The following GRID1 variants were observed in gnomAD, a reference collection of about 807,000 sequenced individuals.
The protein encoded by GRID1 is glutamate ionotropic receptor delta type subunit 1.
GRID1 carries 28 observed loss-of-function variants against 98.0 expected under a neutral mutation model. The observed-to-expected ratio is 0.29, with a 90% CI of 0.21 to 0.39. GRID1 has a LOEUF of 0.39. Ranked by LOEUF, GRID1 falls within the 10% of genes least tolerant of loss-of-function variation. The pLI, the probability that GRID1 is intolerant of heterozygous loss-of-function variation, is 1.00. For synonymous variants in GRID1, 553 were observed against 538.5 expected (o/e 1.03, Z -0.37); for missense variants, 1,111 against 1,340.5 (o/e 0.83, Z 2.67).
intron 4 of GRID1, among the ~76,000 whole-genome samples, chr10:86,097,194 A>G (rs1322685494): frequency 6.6e-6 from 1 of 152,210 alleles, no homozygotes; most frequent in African/African-American, 2.4e-5. Context: ...TGGCTCAAAG[A>G]CAGCCTGTCA....
chr10:86,006,134 C>T (rs1264391682), intron 4 of GRID1, among the ~76,000 whole-genome samples: 11 of 152,148 alleles, frequency 7.2e-5, no homozygotes, highest in African/African-American at 2.7e-4. Context: ...GAATAGAATA[C>T]AAAGTCCTAA....
chr10:86,180,485 A>G (rs1845639657), intron 3 of GRID1, among the ~76,000 whole-genome samples: 1 of 152,132 alleles, frequency 6.6e-6, no homozygotes, highest in Non-Finnish European at 1.5e-5. Flanking sequence ...TGCTGAGCAG[A>G]GGACAGGTCC....
intron 8 of GRID1, among the ~76,000 whole-genome samples, chr10:85,751,555 C>T (rs962989536): frequency 6.6e-6 from 1 of 152,132 alleles, no homozygotes; most frequent in Non-Finnish European, 1.5e-5. Context: ...GAGGAAGCCT[C>T]AGGACCAAAA....
chr10:86,293,718 A>C (rs898175870), intron 2 of GRID1, among the ~76,000 whole-genome samples: 1 of 151,744 alleles, frequency 6.6e-6, no homozygotes, highest in Non-Finnish European at 1.5e-5. Flanking sequence ...AACGATAGGG[A>C]GGGGTGGGGG....
chr10:86,283,651 T>G (rs779273356), intron 2 of GRID1, among the ~76,000 whole-genome samples: 2 of 151,166 alleles, frequency 1.3e-5, no homozygotes, highest in Non-Finnish European at 2.9e-5. Flanking sequence ...CACACACACC[T>G]GCACATACAA....
chr10:86,247,449 T>C (rs1846750619), intron 2 of GRID1, among the ~76,000 whole-genome samples: 1 of 151,758 alleles, frequency 6.6e-6, no homozygotes, highest in African/African-American at 2.4e-5. Flanking sequence ...GCTGGGTGGG[T>C]AGAAAGAGTA....
At position 86,206,293 on chromosome 10, in the gene GRID1, A is replaced by C; in HGVS notation, c.520+71T>G. On this transcript the variant is annotated intron_variant, in intron 3 of 15. Coordinates refer to ENST00000327946, the MANE Select transcript of GRID1 (RefSeq NM_017551.3). The surrounding 1 kb of genome is among the most constrained non-coding windows in gnomAD (Gnocchi z 4.1). ...CCCTGACCGGTCCAGGGCCCCACCC[A>C]CTCTCAGGTCTCCCAGCATCTGGCC... The C allele has an allele frequency of 6.8e-7, 1 of 1,469,800 alleles. No homozygotes were observed. The highest frequency in any genetic ancestry group is 9.2e-7 in the Non-Finnish European group (1 of 1,081,264). 91.0% of individuals were successfully genotyped at this position (1,469,800 alleles called of 1,614,324 possible).
chr10:86,300,641 G>C (rs979976102), intron 2 of GRID1, among the ~76,000 whole-genome samples: 2 of 151,788 alleles, frequency 1.3e-5, no homozygotes, highest in Non-Finnish European at 2.9e-5. Flanking sequence ...ATCCTGGCCT[G>C]GGAATGGCAA....
At position 86,300,785 on chromosome 10, in the gene GRID1, C is replaced by T. The variant is rs375059616; in HGVS notation, c.235+63156G>A. Among the ~76,000 whole-genome samples the T allele has an allele frequency of 7.9e-5, 12 of 152,110 alleles. No individual in the cohort carries two copies. The South Asian group carries it at 2.3e-3, about 29-fold the overall frequency. On this transcript the variant is annotated intron_variant, in intron 2 of 15. Coordinates refer to ENST00000327946, the MANE Select transcript of GRID1 (RefSeq NM_017551.3). ...CACAGCATTTCCCCGGGCTCCAGTC[C>T]GCTCCACCCTGATGCAGCCAGCCAC...
intron 13 of GRID1, among the ~76,000 whole-genome samples, chr10:85,634,167 T>A (rs572278942): frequency 2.7e-5 from 4 of 145,760 alleles, no homozygotes; most frequent in Admixed American, 1.4e-4. Context: ...CGAAACTCCA[T>A]CTGAAAAAAA....
At position 86,366,255 on chromosome 10, in the gene GRID1, C is replaced by T; in HGVS notation, c.79+59G>A. 1 of 1,235,134 alleles carries T rather than the reference C, an allele frequency of 8.1e-7. No homozygotes were observed. Among genetic ancestry groups the T allele is most frequent in the Non-Finnish European group, 1.1e-6 (1 of 910,366 alleles). The allele number at this position is 1,235,134 out of a possible 1,614,324, so 76.5% of individuals were successfully genotyped here. ...GGAAACGCCAAGTTTGGACGCCGCG[C>T]ACCCCCTGCCCCGTTGGGGCCCCCG... On this transcript the variant is annotated intron_variant, in intron 1 of 15. Transcript: ENST00000327946. The surrounding 1 kb of genome is among the most constrained non-coding windows in gnomAD (Gnocchi z 4.1).
chr10:85,734,651 G>A (rs555175878), intron 8 of GRID1, among the ~76,000 whole-genome samples: 128 of 152,176 alleles, frequency 8.4e-4, no homozygotes, highest in African/African-American at 2.9e-3. Flanking sequence ...CTTCATATTG[G>A]GTAGGAAACT....
chr10:85,701,595 T>C (rs1841451927), intron 12 of GRID1, among the ~76,000 whole-genome samples: 1 of 152,150 alleles, frequency 6.6e-6, no homozygotes, highest in Non-Finnish European at 1.5e-5. Context: ...GAAAGGGTGA[T>C]TCTAACTGCA....
chr10:85,751,669 T>A (rs1842047041), intron 8 of GRID1, among the ~76,000 whole-genome samples: 1 of 152,158 alleles, frequency 6.6e-6, no homozygotes, highest in African/African-American at 2.4e-5. Context: ...ATATTCTTAT[T>A]ACAACCATAT....
intron 4 of GRID1, among the ~76,000 whole-genome samples, chr10:85,940,476 T>C (rs183230562): frequency 6.6e-6 from 1 of 152,276 alleles, no homozygotes. Flanking sequence ...TAAATGCAGA[T>C]TCCAGGGTGC....
chr10:85,959,100 G>C (rs1842232723), intron 4 of GRID1, among the ~76,000 whole-genome samples: 2 of 152,210 alleles, frequency 1.3e-5, no homozygotes, highest in African/African-American at 2.4e-5. Context: ...TTTCAGACTG[G>C]AACTGACACC....
chr10:85,880,996 C>A (rs1430182216), intron 5 of GRID1, among the ~76,000 whole-genome samples: 1 of 152,064 alleles, frequency 6.6e-6, no homozygotes, highest in East Asian at 1.9e-4. Context: ...AACAGAGAGC[C>A]AAATCATGAG....
In GRID1 at chr10:86,206,567, G is replaced by A. The variant is rs201908927; in HGVS notation, c.317C>T (p.Thr106Met). ...CASANALQSLTDAMHIPHLFV... is the reference protein window; with the variant it reads ...CASANALQSLMDAMHIPHLFV... ...GAGGTGTGGGATGTGCATGGCATCC[G>A]TGAGGGACTGCAGGGCATTGGCAGA... Residue 106 changes from threonine (T) to methionine (M), a missense_variant, in exon 3 of 16, where the codon ACG becomes ATG. By Grantham distance (81) the Thr-to-Met change is moderately conservative. This residue lies in a region of GRID1 where 346 missense variants were observed against 452.3 expected (regional missense o/e 0.76). Coordinates refer to ENST00000327946, the MANE Select transcript of GRID1 (RefSeq NM_017551.3). The surrounding 1 kb of genome is among the most constrained non-coding windows in gnomAD (Gnocchi z 4.1). The A allele has an allele frequency of 9.9e-6, 16 of 1,614,034 alleles. No individual in the cohort carries two copies. The highest frequency in any genetic ancestry group is 2.2e-5 in the East Asian group (1 of 44,898).
At chr10:85,733,249 C>T (rs1406898191) in intron 8 of GRID1, among the ~76,000 whole-genome samples, 1 of 152,172 alleles carries the variant, frequency 6.6e-6, no homozygotes, top group Non-Finnish European at 1.5e-5. Context: ...TCAGCTGTGG[C>T]ATTGGGGTTT....
Sources: gnomAD v4.1 joint callset for allele counts (sites outside exome capture counted in the v4.1 genomes callset) on GRCh38, gnomAD v4.1.1 for gene constraint, gnomAD v4.1.1 regional missense constraint, Gnocchi (gnomAD v3.1) non-coding constraint, MANE v1.5 for transcripts, NCBI Gene and HGNC (gene_info 2026-07-23, HGNC 2026-07-21) for gene names.